Variants in FSIP1 observed in about 807,000 individuals in gnomAD.
FSIP1 encodes the protein fibrous sheath-interacting protein 1.
Under a neutral mutation model 60.9 loss-of-function variants are expected in FSIP1, and 65 were observed. The ratio of observed to expected loss-of-function variants is 1.07; its 90% CI spans 0.87 to 1.31. The LOEUF (loss-of-function observed/expected upper bound fraction) is 1.31. FSIP1 is among the 40% of genes most tolerant of loss of function. The pLI, the probability that FSIP1 is intolerant of heterozygous loss-of-function variation, is 0.00. For missense variants in FSIP1, 675 were observed against 665.5 expected (o/e 1.01, Z -0.16); for synonymous variants, 209 against 221.2 (o/e 0.94, Z 0.49).
chr15:39,752,087 T>C (rs1200247678), intron 5 of FSIP1, among the ~76,000 whole-genome samples: 1 of 152,032 alleles, frequency 6.6e-6, no homozygotes, highest in African/African-American at 2.4e-5. Flanking sequence ...ATTTTCTAAA[T>C]AACGATTAGT....
chr15:39,647,843 T>C (rs964012115), intron 10 of FSIP1, among the ~76,000 whole-genome samples: 2 of 152,196 alleles, frequency 1.3e-5, no homozygotes, highest in Non-Finnish European at 2.9e-5. Flanking sequence ...GATATTAAAC[T>C]GTTATATTGG....
At chr15:39,734,943 A>T (rs1272727637) in intron 8 of FSIP1, among the ~76,000 whole-genome samples, 2 of 152,192 alleles carry the variant, frequency 1.3e-5, no homozygotes, top group Admixed American at 1.3e-4. Flanking sequence ...GAAAGATGAG[A>T]CATAAATACT....
intron 10 of FSIP1, among the ~76,000 whole-genome samples, chr15:39,621,637 T>C (rs1210267586): frequency 6.6e-6 from 1 of 152,232 alleles, no homozygotes; most frequent in Non-Finnish European, 1.5e-5. Context: ...TAAACTTTTC[T>C]ACTCACTTTA....
intron 10 of FSIP1, among the ~76,000 whole-genome samples, chr15:39,642,716 T>C (rs1243110912): frequency 6.6e-6 from 1 of 152,240 alleles, no homozygotes; most frequent in African/African-American, 2.4e-5. Context: ...AAAGTTTTTT[T>C]GTTTGTTTTG....
intron 10 of FSIP1, among the ~76,000 whole-genome samples, chr15:39,628,870 G>T (rs755207309): frequency 5.3e-5 from 8 of 152,320 alleles, no homozygotes; most frequent in Non-Finnish European, 1.2e-4. Flanking sequence ...CAAACAACTA[G>T]TTGGGAGGAA....
intron 10 of FSIP1, among the ~76,000 whole-genome samples, chr15:39,635,315 C>T (rs781327867): frequency 2.9e-4 from 43 of 150,000 alleles, no homozygotes; most frequent in Admixed American, 4.0e-4. Flanking sequence ...ATCCTGGCGA[C>T]AGAGAGAGAC....
chr15:39,751,191 AT>A (rs1897150249), intron 5 of FSIP1, among the ~76,000 whole-genome samples: 2 of 151,960 alleles, frequency 1.3e-5, no homozygotes, highest in Admixed American at 6.6e-5. Flanking sequence ...TGGTGGAGCC[AT>A]TATGGAAACC....
intron 10 of FSIP1, among the ~76,000 whole-genome samples, chr15:39,664,430 C>CAGCCA (rs1893417675): frequency 6.6e-6 from 1 of 152,148 alleles, no homozygotes; most frequent in Non-Finnish European, 1.5e-5. Flanking sequence ...TATTTATTTA[C>CAGCCA]AGCCAAGCCA....
At chr15:39,619,791 C>T (rs187463671) in intron 10 of FSIP1, among the ~76,000 whole-genome samples, 43 of 152,144 alleles carry the variant, frequency 2.8e-4, no homozygotes, top group Middle Eastern at 3.4e-3. Context: ...TTAGAAAGAG[C>T]CCGCTGAGTG....
chr15:39,702,073 G>A (rs1428571756), intron 10 of FSIP1, among the ~76,000 whole-genome samples: 1 of 152,026 alleles, frequency 6.6e-6, no homozygotes, highest in Non-Finnish European at 1.5e-5. Flanking sequence ...TCTCATGGGG[G>A]ACTTCTCTTT....
At chr15:39,752,816 T>C (rs1897202884) in intron 5 of FSIP1, among the ~76,000 whole-genome samples, 1 of 151,972 alleles carries the variant, frequency 6.6e-6, no homozygotes. Flanking sequence ...TTGAAACAAA[T>C]GAACCATACA....
intron 10 of FSIP1, among the ~76,000 whole-genome samples, chr15:39,677,006 T>C (rs1355418044): frequency 6.6e-6 from 1 of 152,176 alleles, no homozygotes; most frequent in African/African-American, 2.4e-5. Flanking sequence ...AGTGTTCTAT[T>C]TGTGAGTGGC....
In FSIP1 at chr15:39,600,600, A is replaced by C. The variant is rs1436888333; in HGVS notation, c.*280T>G. The C allele has an allele frequency of 1.9e-5, 6 of 319,224 alleles. No individual in the cohort carries two copies. The Admixed American group carries it at 2.5e-4, about 14-fold the overall frequency. 19.8% of individuals were successfully genotyped at this position (319,224 alleles called of 1,614,324 possible). A position where few individuals can be genotyped will look rare whatever the true frequency, so the allele number is the denominator to read the frequency against. Reference sequence around the variant, plus strand: ...ACGAGTTTTACCCTAACACGTATACATTAAAATGTTGGTTTTTATAATGAA... The same window carrying C: ...ACGAGTTTTACCCTAACACGTATACCTTAAAATGTTGGTTTTTATAATGAA... On this transcript the variant is annotated 3_prime_UTR_variant, in exon 12 of 12. Coordinates refer to ENST00000350221, the MANE Select transcript of FSIP1 (RefSeq NM_152597.5).
At chr15:39,758,896 G>A (rs1009642500) in intron 5 of FSIP1, among the ~76,000 whole-genome samples, 8 of 151,856 alleles carry the variant, frequency 5.3e-5, no homozygotes, top group Admixed American at 3.9e-4. Flanking sequence ...GTTCCTACAC[G>A]ATAAAGCTAG....
Position 39,677,994 on chromosome 15 carries a change from CAA to C in FSIP1, c.1188+35448_1188+35449del, listed in dbSNP as rs113315024. On this transcript the variant is annotated intron_variant, in intron 10 of 11. Coordinates refer to ENST00000350221, the MANE Select transcript of FSIP1 (RefSeq NM_152597.5). ...CTAGTGACAGAGCGAGAATTCGTCT[CAA>C]AAAAAAAAAAAAGTCTGTTTACGAA... Among the ~76,000 whole-genome samples the C allele has an allele frequency of 9.9e-5, 10 of 100,930 alleles. 1 individual carries two copies. Among genetic ancestry groups the C allele is most frequent in the Admixed American group, 1.1e-4 (1 of 9,378 alleles). 66.2% of individuals were successfully genotyped at this position (100,930 alleles called of 152,430 possible).
intron 1 of FSIP1, among the ~76,000 whole-genome samples, chr15:39,781,808 C>T (rs1321439123): frequency 2.6e-5 from 4 of 152,130 alleles, no homozygotes; most frequent in East Asian, 1.9e-4. Flanking sequence ...CCAGGGATGG[C>T]GTTAGGGGAG....
intron 10 of FSIP1, among the ~76,000 whole-genome samples, chr15:39,636,170 CA>C (rs1273956776): frequency 2.0e-5 from 3 of 152,120 alleles, no homozygotes; most frequent in Non-Finnish European, 4.4e-5. Context: ...GTCAACCAGT[CA>C]AGAAAACATA....
At chr15:39,692,908 C>T (rs1165938586) in intron 10 of FSIP1, among the ~76,000 whole-genome samples, 2 of 152,216 alleles carry the variant, frequency 1.3e-5, no homozygotes, top group Non-Finnish European at 2.9e-5. Flanking sequence ...CCACGCTACG[C>T]CTGCCTGGCA....
chr15:39,748,411 T>G (rs1447633377), intron 5 of FSIP1, among the ~76,000 whole-genome samples: 6 of 152,188 alleles, frequency 3.9e-5, no homozygotes. Flanking sequence ...TAATCATATA[T>G]TAGGTGAATT....
Sources: gnomAD v4.1 joint callset for allele counts (sites outside exome capture counted in the v4.1 genomes callset) on GRCh38, gnomAD v4.1.1 for gene constraint, MANE v1.5 for transcripts, NCBI Gene and HGNC (gene_info 2026-07-23, HGNC 2026-07-21) for gene names.